ADCY2: variants seen among roughly 807,000 people sequenced by gnomAD.
ADCY2 encodes the protein adenylate cyclase type 2.
A neutral mutation model predicts 125.2 loss-of-function variants in ADCY2; 31 were observed. The observed-to-expected ratio is 0.25, with a 90% confidence interval of 0.19 to 0.33. The LOEUF is 0.33. Ranked by LOEUF, ADCY2 falls within the 10% of genes least tolerant of loss-of-function variation. The pLI is 1.00. For missense variants in ADCY2, 904 were observed against 1,418.2 expected, an observed-to-expected ratio of 0.64 and a Z score of 5.82; for synonymous variants, 512 against 548.4, an observed-to-expected ratio of 0.93 and a Z score of 0.93.
intron 2 of ADCY2, among the ~76,000 whole-genome samples, chr5:7,421,799 A>G (rs140407088): frequency 0.011 from 1,653 of 152,340 alleles, 38 homozygotes; most frequent in African/African-American, 0.038. Context: ...AATGTGGGCT[A>G]TGAAAGTTTT....
intron 18 of ADCY2, among the ~76,000 whole-genome samples, chr5:7,781,560 T>C (rs139814024): frequency 3.5e-4 from 53 of 152,268 alleles, no homozygotes; most frequent in African/African-American, 1.3e-3. Context: ...CTACCTGAAG[T>C]GAGACCAAGG....
At chr5:7,456,789 T>C (rs763435193) in intron 2 of ADCY2, among the ~76,000 whole-genome samples, 5 of 152,236 alleles carry the variant, frequency 3.3e-5, no homozygotes, top group Admixed American at 6.5e-5. Flanking sequence ...GCTTAATGAA[T>C]ATAATTCCTT....
intron 3 of ADCY2, among the ~76,000 whole-genome samples, chr5:7,584,650 A>G (rs1736562776): frequency 6.6e-6 from 1 of 152,186 alleles, no homozygotes; most frequent in Admixed American, 6.5e-5. Context: ...TTGATAAAAA[A>G]ATTATGGTGG....
At chr5:7,543,446 C>G (rs1735056186) in intron 3 of ADCY2, among the ~76,000 whole-genome samples, 1 of 152,066 alleles carries the variant, frequency 6.6e-6, no homozygotes, top group Admixed American at 6.6e-5. Flanking sequence ...CCTTTTAGAT[C>G]AATTAGTAAT....
At chr5:7,645,039 G>T (rs1167654441) in intron 4 of ADCY2, among the ~76,000 whole-genome samples, 1 of 152,086 alleles carries the variant, frequency 6.6e-6, no homozygotes, top group Non-Finnish European at 1.5e-5. Flanking sequence ...CATGCTCTTT[G>T]GTTGTGAATC....
intron 22 of ADCY2, among the ~76,000 whole-genome samples, chr5:7,810,583 T>C (rs1230019769): frequency 6.6e-6 from 1 of 151,958 alleles, no homozygotes; most frequent in Non-Finnish European, 1.5e-5. Context: ...GTGAGTTACC[T>C]ACCTGGTTGT....
intron 15 of ADCY2, among the ~76,000 whole-genome samples, chr5:7,756,793 A>G (rs936903512): frequency 6.6e-6 from 1 of 152,190 alleles, no homozygotes; most frequent in Non-Finnish European, 1.5e-5. Context: ...TGAACTGTAC[A>G]CTTGAAAATG....
chr5:7,537,794 C>T (rs1191625249), intron 3 of ADCY2, among the ~76,000 whole-genome samples: 3 of 152,244 alleles, frequency 2.0e-5, no homozygotes, highest in Non-Finnish European at 4.4e-5. Flanking sequence ...GCCTCCACAG[C>T]CTGGCCCCTC....
chr5:7,649,051 C>G (rs1314365246), intron 4 of ADCY2, among the ~76,000 whole-genome samples: 3 of 152,158 alleles, frequency 2.0e-5, no homozygotes, highest in African/African-American at 7.2e-5. Context: ...TATAGCCTCA[C>G]TAAAAGAATT....
intron 3 of ADCY2, among the ~76,000 whole-genome samples, chr5:7,579,434 C>CAGAG (rs148732365): frequency 6.7e-6 from 1 of 149,904 alleles, no homozygotes; most frequent in Non-Finnish European, 1.5e-5. Context: ...TCCACAGAGA[C>CAGAG]AGAGAGAGAG....
rs745934015 is a variant in ADCY2 at position 7,766,813 on chromosome 5, ACATTG to A, written c.2214+10_2214+14del. On this transcript the variant is annotated splice_region_variant and intron_variant, in intron 17 of 24. Coordinates refer to ENST00000338316, the MANE Select transcript of ADCY2 (RefSeq NM_020546.3). ...GAATTTATTTTTCCTCCCGGTAAGA[ACATTG>A]CAATTATGACTGCTTTGGTGGCTCT... is the stretch of plus-strand genomic sequence containing the variant. The A allele has an allele frequency of 1.9e-6, 3 of 1,608,400 alleles. No homozygotes were observed. The highest frequency in any genetic ancestry group is 2.5e-6 in the Non-Finnish European group (3 of 1,178,612).
Position 7,460,938 on chromosome 5 carries a change from A to G in ADCY2, c.408+46168A>G, listed in dbSNP as rs547527458. Among the ~76,000 whole-genome samples the G allele has an allele frequency of 9.8e-5, 15 of 152,318 alleles. No homozygotes were observed. The South Asian group carries it at 2.9e-3, about 29-fold the overall frequency. Reference sequence around the variant, plus strand: ...GTTCCTCTGCATTTACAAGAAAAGCAATCTCAGCCACAGTTGTTTATATAG... The same window carrying G: ...GTTCCTCTGCATTTACAAGAAAAGCGATCTCAGCCACAGTTGTTTATATAG... On this transcript the variant is annotated intron_variant, in intron 2 of 24. Coordinates refer to ENST00000338316, the MANE Select transcript of ADCY2 (RefSeq NM_020546.3).
chr5:7,633,201 CG>C (rs1561135792), intron 4 of ADCY2, among the ~76,000 whole-genome samples: 1 of 151,764 alleles, frequency 6.6e-6, no homozygotes, highest in African/African-American at 2.4e-5. Context: ...GAGGCCGAGG[CG>C]GGCGGATCAC....
At chr5:7,536,301 A>C (rs1201250371) in intron 3 of ADCY2, among the ~76,000 whole-genome samples, 1 of 152,214 alleles carries the variant, frequency 6.6e-6, no homozygotes, top group Non-Finnish European at 1.5e-5. Context: ...CCACCCTCAG[A>C]CCAATCGTGT....
chr5:7,791,531 C>G (rs889146737), intron 20 of ADCY2, among the ~76,000 whole-genome samples: 2 of 152,114 alleles, frequency 1.3e-5, no homozygotes, highest in Admixed American at 1.3e-4. Flanking sequence ...AGTGGGCCTT[C>G]CAGGGCTACA....
At chr5:7,743,453 T>C (rs1211171199) in intron 14 of ADCY2, among the ~76,000 whole-genome samples, 2 of 152,196 alleles carry the variant, frequency 1.3e-5, no homozygotes, top group African/African-American at 2.4e-5. Flanking sequence ...GGCAGTTTTA[T>C]TGAGTCAGAA....
intron 2 of ADCY2, among the ~76,000 whole-genome samples, chr5:7,492,024 G>T (rs1489331653): frequency 6.6e-6 from 1 of 152,240 alleles, no homozygotes; most frequent in Middle Eastern, 3.2e-3. Context: ...GGTGTCACGG[G>T]GTGGAGGGCA....
intron 4 of ADCY2, among the ~76,000 whole-genome samples, chr5:7,672,423 C>T (rs1231867848): frequency 6.6e-6 from 1 of 152,130 alleles, no homozygotes; most frequent in African/African-American, 2.4e-5. Context: ...CAAACTACCG[C>T]CTGTGGGTCA....
At chr5:7,565,781 T>A (rs1735872149) in intron 3 of ADCY2, among the ~76,000 whole-genome samples, 1 of 152,196 alleles carries the variant, frequency 6.6e-6, no homozygotes, top group Admixed American at 6.5e-5. Context: ...GGCCATATGC[T>A]GTCTGCTCCC....
Sources: allele counts gnomAD v4.1 joint callset (sites outside exome capture counted in the v4.1 genomes callset), GRCh38; gene constraint gnomAD v4.1.1; transcripts MANE v1.5; gene names NCBI Gene and HGNC (gene_info 2026-07-23, HGNC 2026-07-21).